The following GRIA2 variants were observed in gnomAD, a reference collection of about 807,000 sequenced individuals.
The protein encoded by GRIA2 is glutamate receptor 2.
In GRIA2, 14 loss-of-function variants were observed where a neutral mutation model predicts 97.3. The ratio of observed to expected loss-of-function variants is 0.14; its 90% CI spans 0.10 to 0.23. The LOEUF (loss-of-function observed/expected upper bound fraction) is 0.23, where lower values mean the gene tolerates loss of function less well. Among genes scored for constraint, GRIA2 ranks in the 10% least tolerant of loss-of-function variants. The pLI is 1.00. For synonymous variants in GRIA2, 412 were observed against 387.8 expected (o/e 1.06, Z -0.73); for missense variants, 558 against 1,069.8 (o/e 0.52, Z 6.67).
chr4:157,257,275 CAT>C (rs1458591847), intron 2 of GRIA2, among the ~76,000 whole-genome samples: 1 of 152,024 alleles, frequency 6.6e-6, no homozygotes, highest in Non-Finnish European at 1.5e-5. Context: ...TCAGATATAT[CAT>C]GTGGTTTTTT....
chr4:157,318,730 G>T (rs1734431263), intron 5 of GRIA2, among the ~76,000 whole-genome samples: 2 of 151,940 alleles, frequency 1.3e-5, no homozygotes, highest in Admixed American at 1.3e-4. Flanking sequence ...TGTGATTCAG[G>T]ATCACTATAC....
chr4:157,323,336 C>CAAAAA lies in GRIA2; in HGVS notation c.882+1763_882+1767dup, dbSNP rs779080483. Among the ~76,000 whole-genome samples, 288 of 51,488 alleles carry CAAAAA rather than the reference C, an allele frequency of 5.6e-3. 13 individuals carry two copies. Among genetic ancestry groups the CAAAAA allele is most frequent in the Middle Eastern group, 0.021 (1 of 48 alleles). 33.8% of individuals were successfully genotyped at this position (51,488 alleles called of 152,430 possible). A position where few individuals can be genotyped will look rare whatever the true frequency, so the allele number is the denominator to read the frequency against. On this transcript the variant is annotated intron_variant, in intron 6 of 15. Transcript: ENST00000264426. ...TGGGAGACAGAGCGAGACTCTGTCT[C>CAAAAA]AAAAAAAAAAAAAAAAAAAAAAAAA... is the stretch of plus-strand genomic sequence containing the variant.
chr4:157,352,883 A>T (rs868220763), intron 12 of GRIA2, among the ~76,000 whole-genome samples: 5 of 151,770 alleles, frequency 3.3e-5, no homozygotes, highest in African/African-American at 1.2e-4. Context: ...GCATAGTGAA[A>T]CCCTGTCTCT....
intron 3 of GRIA2, among the ~76,000 whole-genome samples, chr4:157,306,999 G>C (rs1322672762): frequency 6.6e-6 from 1 of 151,874 alleles, no homozygotes; most frequent in African/African-American, 2.4e-5. Flanking sequence ...CAAACAATTT[G>C]GTCTGTTCTT....
At chr4:157,300,702 ATTG>A (rs768986212) in intron 2 of GRIA2, among the ~76,000 whole-genome samples, 1 of 152,160 alleles carries the variant, frequency 6.6e-6, no homozygotes. Context: ...GAGAAGAGCT[ATTG>A]TTGTAAAAAT....
chr4:157,331,236 T>C (rs965595441), intron 6 of GRIA2, among the ~76,000 whole-genome samples: 1 of 152,000 alleles, frequency 6.6e-6, no homozygotes, highest in East Asian at 1.9e-4. Context: ...ATATTCATAA[T>C]ATGCTACGTG....
intron 2 of GRIA2, among the ~76,000 whole-genome samples, chr4:157,282,267 G>A (rs1732640596): frequency 1.3e-5 from 2 of 152,222 alleles, no homozygotes; most frequent in Middle Eastern, 3.4e-3. Flanking sequence ...CAGAAGGCAA[G>A]TAGGCAAGAA....
intron 2 of GRIA2, among the ~76,000 whole-genome samples, chr4:157,301,134 G>A (rs1733597842): frequency 6.6e-6 from 1 of 152,144 alleles, no homozygotes; most frequent in Admixed American, 6.5e-5. Context: ...GAATTTTATA[G>A]CAAGTCTTTC....
In GRIA2 at chr4:157,282,623, T is replaced by C. The variant is rs1485595690; in HGVS notation, c.230-20929T>C. Among the ~76,000 whole-genome samples, 4 of 151,952 alleles carry C rather than the reference T, an allele frequency of 2.6e-5. No homozygotes were observed. In the East Asian group the frequency reaches 7.7e-4, roughly 29 times the overall value. ...GTTCACACTTTGGATCAAGGAGGGA[T>C]GAGAAGGAGATAGCTTTATCCTGTG... On this transcript the variant is annotated intron_variant, in intron 2 of 15. Transcript: ENST00000264426.
chr4:157,353,748 C>A (rs1193031128), intron 12 of GRIA2, among the ~76,000 whole-genome samples: 1 of 151,878 alleles, frequency 6.6e-6, no homozygotes, highest in Non-Finnish European at 1.5e-5. Flanking sequence ...CAATAAATAC[C>A]ATTTACATTT....
intron 6 of GRIA2, among the ~76,000 whole-genome samples, chr4:157,325,467 C>G (rs767606941): frequency 1.3e-5 from 2 of 152,138 alleles, no homozygotes; most frequent in Non-Finnish European, 2.9e-5. Flanking sequence ...AGGCACTGTT[C>G]TAGGTGTCAG....
intron 2 of GRIA2, among the ~76,000 whole-genome samples, chr4:157,223,257 A>G (rs1451004935): frequency 6.6e-6 from 1 of 152,188 alleles, no homozygotes; most frequent in African/African-American, 2.4e-5. Flanking sequence ...TCTTAGACTG[A>G]TAGAATAGGG....
At chr4:157,331,450 A>G (rs561419949) in intron 6 of GRIA2, among the ~76,000 whole-genome samples, 4 of 152,130 alleles carry the variant, frequency 2.6e-5, no homozygotes, top group African/African-American at 9.6e-5. Flanking sequence ...TGACTTATTC[A>G]ATTTAGCTTA....
chr4:157,279,871 TCTCAGCA>T (rs2126811406), intron 2 of GRIA2, among the ~76,000 whole-genome samples: 1 of 152,322 alleles, frequency 6.6e-6, no homozygotes, highest in South Asian at 2.1e-4. Context: ...ACCCCTGTAA[TCTCAGCA>T]CTTTGGGAGG....
intron 2 of GRIA2, among the ~76,000 whole-genome samples, chr4:157,234,613 T>C (rs1730163190): frequency 6.6e-6 from 1 of 152,120 alleles, no homozygotes; most frequent in South Asian, 2.1e-4. Context: ...ATAAAAATGA[T>C]GGTAGGTGTT....
chr4:157,338,786 GA>G (rs1363499843), intron 11 of GRIA2, among the ~76,000 whole-genome samples: 2 of 151,888 alleles, frequency 1.3e-5, no homozygotes, highest in Non-Finnish European at 2.9e-5. Flanking sequence ...TGCTATATAT[GA>G]ATTTTAAAAT....
At chr4:157,354,116 A>G (rs1182260641) in intron 12 of GRIA2, among the ~76,000 whole-genome samples, 1 of 152,188 alleles carries the variant, frequency 6.6e-6, no homozygotes, top group East Asian at 1.9e-4. Context: ...CTGAAACATG[A>G]CATTTTAGGA....
chr4:157,231,596 A>C (rs1730021838), intron 2 of GRIA2, among the ~76,000 whole-genome samples: 2 of 152,218 alleles, frequency 1.3e-5, no homozygotes, highest in Admixed American at 1.3e-4. Flanking sequence ...GGTTTGAAAA[A>C]TTTTATAGGT....
At chr4:157,321,983 C>G (rs575720646) in intron 6 of GRIA2, among the ~76,000 whole-genome samples, 1 of 151,862 alleles carries the variant, frequency 6.6e-6, no homozygotes, top group Non-Finnish European at 1.5e-5. Context: ...AAGAATGCCA[C>G]GAGGGAAGAG....
Sources: allele counts gnomAD v4.1 joint callset (sites outside exome capture counted in the v4.1 genomes callset), GRCh38; gene constraint gnomAD v4.1.1; transcripts MANE v1.5; gene names NCBI Gene and HGNC (gene_info 2026-07-23, HGNC 2026-07-21).